The following GMDS variants were observed in gnomAD, a reference collection of about 807,000 sequenced individuals.
GMDS encodes the protein GDP-mannose 4,6-dehydratase, also known as GDP-mannose 4,6 dehydratase.
A neutral mutation model predicts 49.9 loss-of-function variants in GMDS; 20 were observed. The observed-to-expected ratio is 0.40, with a 90% CI of 0.28 to 0.58. GMDS has a LOEUF of 0.58. Ranked by LOEUF, GMDS falls within the 20% of genes least tolerant of loss-of-function variation. The probability of loss-of-function intolerance (pLI) is 0.42; values close to 1 mark genes in which losing one functional copy is unlikely to be tolerated. For synonymous variants in GMDS, 177 were observed against 178.6 expected (o/e 0.99, Z 0.07); for missense variants, 362 against 481.4 (o/e 0.75, Z 2.32).
chr6:1,756,287 G>C (rs1028660571), intron 7 of GMDS, among the ~76,000 whole-genome samples: 3 of 149,164 alleles, frequency 2.0e-5, no homozygotes, highest in African/African-American at 7.4e-5. Context: ...TTTTGAGATG[G>C]AGTTTCGCTT....
chr6:2,126,554 TGCATAAATTCAG>T, intron 1 of GMDS, among the ~76,000 whole-genome samples: 1 of 152,306 alleles, frequency 6.6e-6, no homozygotes, highest in East Asian at 1.9e-4. Context: ...GCAGAAGTCA[TGCATAAATTCAG>T]GCAGAATGAC....
At chr6:1,732,220 G>A (rs1049650433) in intron 8 of GMDS, among the ~76,000 whole-genome samples, 4 of 152,102 alleles carry the variant, frequency 2.6e-5, no homozygotes, top group African/African-American at 2.4e-5. Context: ...CCAGCTACTC[G>A]GGAGGCTGAG....
rs1202654631 is a variant in GMDS, at chr6:1,755,656, T to C, written c.772-13070A>G. Among the ~76,000 whole-genome samples, 6 of 151,866 alleles carry C rather than the reference T, an allele frequency of 4.0e-5. No homozygotes were observed. In the South Asian group the frequency reaches 8.3e-4, roughly 21 times the overall value. ...AAGACCACTGTACCCAAAACAGCAA[T>C]GGGGAAAGGATTCCCTATTTAATAA... is the stretch of plus-strand genomic sequence containing the variant. On this transcript the variant is annotated intron_variant, in intron 7 of 10. Transcript: ENST00000380815.
intron 1 of GMDS, among the ~76,000 whole-genome samples, chr6:2,210,049 A>G (rs1779996688): frequency 6.6e-6 from 1 of 152,244 alleles, no homozygotes; most frequent in Non-Finnish European, 1.5e-5. Flanking sequence ...TAGAGAAAAC[A>G]AAGCTTCATA....
intron 4 of GMDS, among the ~76,000 whole-genome samples, chr6:1,990,671 C>A (rs1160270847): frequency 6.6e-6 from 1 of 151,988 alleles, no homozygotes; most frequent in Admixed American, 6.6e-5. Flanking sequence ...GCCTCCCAGG[C>A]TAAAGCAATC....
intron 2 of GMDS, among the ~76,000 whole-genome samples, chr6:2,122,238 C>T (rs1342174406): frequency 4.6e-5 from 7 of 152,152 alleles, no homozygotes; most frequent in Non-Finnish European, 4.4e-5. Context: ...GTTTCTCTAT[C>T]TGTAGTACCC....
chr6:1,753,919 C>A (rs1328997424), intron 7 of GMDS, among the ~76,000 whole-genome samples: 1 of 152,136 alleles, frequency 6.6e-6, no homozygotes, highest in African/African-American at 2.4e-5. Flanking sequence ...TAAATGCCCA[C>A]AGGAGAATGC....
chr6:1,816,105 C>A (rs1050798656), intron 7 of GMDS, among the ~76,000 whole-genome samples: 1 of 152,250 alleles, frequency 6.6e-6, no homozygotes, highest in Non-Finnish European at 1.5e-5. Flanking sequence ...GCTTGCTCTC[C>A]TGCCTTGATC....
chr6:2,198,688 C>T lies in GMDS; in HGVS notation c.102+46633G>A, dbSNP rs186169006. Among the ~76,000 whole-genome samples the T allele has an allele frequency of 2.8e-3, 425 of 152,150 alleles. 4 individuals are homozygous for T. Among genetic ancestry groups the T allele is most frequent in the Non-Finnish European group, 4.8e-3 (328 of 68,004 alleles). On this transcript the variant is annotated intron_variant, in intron 1 of 10. Transcript: ENST00000380815. ...AATCAGAAAATTATGTTTGCCTGTGCGAAACTGGAAAATATTAGAACTGCT... is the reference window on the plus strand; with the variant it reads ...AATCAGAAAATTATGTTTGCCTGTGTGAAACTGGAAAATATTAGAACTGCT...
At chr6:2,095,309 T>C (rs1030358749) in intron 4 of GMDS, among the ~76,000 whole-genome samples, 5 of 152,116 alleles carry the variant, frequency 3.3e-5, no homozygotes, top group African/African-American at 1.2e-4. Context: ...AAGTTAAACA[T>C]AGAAAGTAAC....
At chr6:1,792,981 T>A (rs977126687) in intron 7 of GMDS, among the ~76,000 whole-genome samples, 1 of 152,220 alleles carries the variant, frequency 6.6e-6, no homozygotes, top group East Asian at 1.9e-4. Context: ...CATATGATAA[T>A]TTCCTTATAT....
At chr6:1,995,930 T>C (rs1393458667) in intron 4 of GMDS, among the ~76,000 whole-genome samples, 1 of 152,136 alleles carries the variant, frequency 6.6e-6, no homozygotes, top group East Asian at 1.9e-4. Flanking sequence ...AGGTGGCAAA[T>C]AGACACATGC....
At chr6:1,798,365 T>G (rs1561811552) in intron 7 of GMDS, among the ~76,000 whole-genome samples, 1 of 152,152 alleles carries the variant, frequency 6.6e-6, no homozygotes, top group Non-Finnish European at 1.5e-5. Context: ...TTCATATAAG[T>G]CACTGTAGTG....
chr6:2,073,734 A>G (rs570691242), intron 4 of GMDS, among the ~76,000 whole-genome samples: 1 of 152,268 alleles, frequency 6.6e-6, no homozygotes, highest in South Asian at 2.1e-4. Context: ...TAAGTTTTTT[A>G]GCTCACACAT....
intron 1 of GMDS, among the ~76,000 whole-genome samples, chr6:2,206,712 T>C (rs1272721123): frequency 6.6e-6 from 1 of 152,226 alleles, no homozygotes; most frequent in Non-Finnish European, 1.5e-5. Context: ...GAGCTCTGGC[T>C]TGGTAGGTCA....
chr6:1,901,485 C>G (rs1390184981), intron 7 of GMDS, among the ~76,000 whole-genome samples: 1 of 152,116 alleles, frequency 6.6e-6, no homozygotes, highest in African/African-American at 2.4e-5. Flanking sequence ...GTCAGGCCAC[C>G]TATTTTAAGG....
At chr6:1,820,919 TGGGGCTCTAGCCCAGG>T (rs927675718) in intron 7 of GMDS, among the ~76,000 whole-genome samples, 1 of 152,238 alleles carries the variant, frequency 6.6e-6, no homozygotes, top group African/African-American at 2.4e-5. Context: ...CGCATGGGCA[TGGGGCTCTAGCCCAGG>T]CCTGCCTGTC....
At chr6:1,970,103 A>G (rs145805584) in intron 4 of GMDS, among the ~76,000 whole-genome samples, 119 of 152,322 alleles carry the variant, frequency 7.8e-4, no homozygotes, top group African/African-American at 2.7e-3. Context: ...CTGACTACAA[A>G]TGTGGTGTCG....
At chr6:1,721,426 A>G (rs1766381034) in intron 9 of GMDS, among the ~76,000 whole-genome samples, 1 of 152,246 alleles carries the variant, frequency 6.6e-6, no homozygotes, top group Non-Finnish European at 1.5e-5. Context: ...GATTAAAAAT[A>G]CAATGGGAAG....
Sources: allele counts gnomAD v4.1 joint callset (sites outside exome capture counted in the v4.1 genomes callset), GRCh38; gene constraint gnomAD v4.1.1; transcripts MANE v1.5; gene names NCBI Gene and HGNC (gene_info 2026-07-23, HGNC 2026-07-21).